SBF2: variants seen among roughly 807,000 people sequenced by gnomAD.
SBF2 encodes the protein SET binding factor 2, also known as myotubularin-related protein 13.
A neutral mutation model predicts 225.2 loss-of-function variants in SBF2; 112 were observed. That is an observed-to-expected ratio of 0.50 (90% CI 0.43 to 0.58). SBF2 has a LOEUF of 0.58. Ranked by LOEUF, SBF2 falls within the 20% of genes least tolerant of loss-of-function variation. SBF2 has a pLI of 0.00. For missense variants in SBF2, 1,996 were observed against 2,206.2 expected (o/e 0.90, Z 1.91); for synonymous variants, 763 against 773.3 (o/e 0.99, Z 0.22).
At chr11:10,062,225 A>C (rs550762994) in intron 2 of SBF2, among the ~76,000 whole-genome samples, 1 of 152,212 alleles carries the variant, frequency 6.6e-6, no homozygotes, top group East Asian at 1.9e-4. Flanking sequence ...AAAACCCAAA[A>C]CTATAAATAC....
intron 38 of SBF2, chr11:9,782,890 G>GA (rs1453807216): frequency 6.9e-6 from 1 of 144,566 alleles, no homozygotes; most frequent in South Asian, 2.2e-4. Flanking sequence ...AAAAAAAAAA[G>GA]AAAAAAGGAA....
intron 16 of SBF2, among the ~76,000 whole-genome samples, chr11:9,917,875 CT>C (rs1264789741): frequency 1.3e-5 from 2 of 151,496 alleles, no homozygotes; most frequent in African/African-American, 4.9e-5. Flanking sequence ...ACTCAATTAT[CT>C]GTACCCAGGC....
intron 17 of SBF2, among the ~76,000 whole-genome samples, chr11:9,885,754 A>C (rs1232533780): frequency 1.3e-5 from 2 of 152,164 alleles, no homozygotes; most frequent in African/African-American, 4.8e-5. Context: ...CTGTTGTAAA[A>C]ATTTTATTTT....
chr11:9,999,282 T>C (rs1947841891), intron 8 of SBF2, among the ~76,000 whole-genome samples: 1 of 31,602 alleles, frequency 3.2e-5, no homozygotes, highest in Admixed American at 3.4e-4. Context: ...CCAGTGACTG[T>C]ATGTATGTAT....
rs546002951 is a variant in SBF2, at chr11:10,212,117, C to T, written c.56-18130G>A. On this transcript the variant is annotated intron_variant, in intron 1 of 39. Coordinates refer to ENST00000256190, the MANE Select transcript of SBF2 (RefSeq NM_030962.4). ...CTTTGGGAGGTTACACTTGGCTCTT[C>T]CTACCATAAAGTCCATTAACCCATG... 1.1e-4 allele frequency among the ~76,000 whole-genome samples: 17 copies of T among 152,312 alleles called. No individual in the cohort carries two copies. In the South Asian group the frequency reaches 1.5e-3, roughly 13 times the overall value.
intron 1 of SBF2, among the ~76,000 whole-genome samples, chr11:10,282,911 T>C (rs562511331): frequency 6.6e-6 from 1 of 152,300 alleles, no homozygotes; most frequent in South Asian, 2.1e-4. Context: ...CACTCAAGCA[T>C]CAAAGCCTAC....
At chr11:10,035,138 C>T (rs997212022) in intron 3 of SBF2, among the ~76,000 whole-genome samples, 5 of 151,118 alleles carry the variant, frequency 3.3e-5, no homozygotes, top group Non-Finnish European at 7.4e-5. Context: ...CTAATTTTTT[C>T]TTTTTTTTTG....
At chr11:10,299,702 G>C (rs1964577587) in intron 1 of SBF2, among the ~76,000 whole-genome samples, 1 of 151,734 alleles carries the variant, frequency 6.6e-6, no homozygotes, top group Non-Finnish European at 1.5e-5. Context: ...GATGGAATGA[G>C]TATGTGTATG....
At chr11:9,857,406 C>T (rs1434780920) in intron 18 of SBF2, among the ~76,000 whole-genome samples, 1 of 152,204 alleles carries the variant, frequency 6.6e-6, no homozygotes, top group Admixed American at 6.5e-5. Flanking sequence ...ATTAACATTA[C>T]ATCTGCTTAA....
chr11:10,174,483 C>G (rs1342983791), intron 2 of SBF2, among the ~76,000 whole-genome samples: 1 of 152,104 alleles, frequency 6.6e-6, no homozygotes, highest in Non-Finnish European at 1.5e-5. Flanking sequence ...AAGAAATGAG[C>G]AAACCCTCCA....
chr11:9,980,824 C>T (rs1229768547), intron 13 of SBF2, among the ~76,000 whole-genome samples: 2 of 152,106 alleles, frequency 1.3e-5, no homozygotes, highest in Non-Finnish European at 2.9e-5. Context: ...CCTCGGCCTC[C>T]CAAAGTGCTG....
At chr11:9,951,195 T>G (rs1035708901) in intron 16 of SBF2, among the ~76,000 whole-genome samples, 1 of 151,976 alleles carries the variant, frequency 6.6e-6, no homozygotes, top group South Asian at 2.1e-4. Flanking sequence ...ACAAAGGCAA[T>G]AGATGTGTAA....
At chr11:10,277,132 C>CAAAAAAAAAAA (rs11310738) in intron 1 of SBF2, among the ~76,000 whole-genome samples, 1 of 73,524 alleles carries the variant, frequency 1.4e-5, no homozygotes, top group Non-Finnish European at 2.5e-5. Context: ...GACCCCATCT[C>CAAAAAAAAAAA]AAAAAAAAAA....
chr11:10,062,884 C>T (rs1950498045), intron 2 of SBF2, among the ~76,000 whole-genome samples: 1 of 152,106 alleles, frequency 6.6e-6, no homozygotes, highest in African/African-American at 2.4e-5. Flanking sequence ...AAGACCCAGA[C>T]ACGTGAATGT....
chr11:10,297,376 T>A (rs1022927118), upstream of SBF2, among the ~76,000 whole-genome samples: 15 of 152,178 alleles, frequency 9.9e-5, no homozygotes, highest in African/African-American at 3.6e-4. Context: ...TTCTTGATAA[T>A]GTCCTTTGGC....
intron 2 of SBF2, among the ~76,000 whole-genome samples, chr11:10,049,223 A>G (rs1949976695): frequency 6.6e-6 from 1 of 152,190 alleles, no homozygotes; most frequent in Non-Finnish European, 1.5e-5. Context: ...GTTTTGGAAA[A>G]GATGGTTATT....
At chr11:10,084,239 G>C (rs1951470566) in intron 2 of SBF2, among the ~76,000 whole-genome samples, 1 of 151,606 alleles carries the variant, frequency 6.6e-6, no homozygotes. Context: ...ATGTATCCTG[G>C]AACTTTTGGA....
intron 1 of SBF2, among the ~76,000 whole-genome samples, chr11:10,231,552 T>C (rs897922663): frequency 6.6e-6 from 1 of 152,232 alleles, no homozygotes; most frequent in Non-Finnish European, 1.5e-5. Flanking sequence ...TTCAGGTCTG[T>C]TGGAGTTTGC....
At chr11:9,916,542 G>A (rs1863108555) in intron 16 of SBF2, among the ~76,000 whole-genome samples, 1 of 151,600 alleles carries the variant, frequency 6.6e-6, no homozygotes, top group Non-Finnish European at 1.5e-5. Flanking sequence ...AAGCGGCCTT[G>A]GAAATACTAA....
Sources: allele counts gnomAD v4.1 joint callset (sites outside exome capture counted in the v4.1 genomes callset), GRCh38; gene constraint gnomAD v4.1.1; transcripts MANE v1.5; gene names NCBI Gene and HGNC (gene_info 2026-07-23, HGNC 2026-07-21).